The following SIN3A variants were observed in gnomAD, a reference collection of about 807,000 sequenced individuals.
SIN3A encodes SIN3 transcription regulator family member A.
A neutral mutation model predicts 146.1 loss-of-function variants in SIN3A; 14 were observed. The ratio of observed to expected loss-of-function variants is 0.10; its 90% CI spans 0.06 to 0.15. The LOEUF (loss-of-function observed/expected upper bound fraction) is 0.15, where lower values mean the gene tolerates loss of function less well. Ranked by LOEUF, SIN3A falls within the 10% of genes least tolerant of loss-of-function variation. The probability of loss-of-function intolerance (pLI) is 1.00; values close to 1 mark genes in which losing one functional copy is unlikely to be tolerated. For missense variants in SIN3A, 1,028 were observed against 1,576.0 expected, an observed-to-expected ratio of 0.65 and a Z score of 5.89; for synonymous variants, 572 against 572.0, an observed-to-expected ratio of 1.00 and a Z score of 0.00.
At chr15:75,421,464 T>A (rs1375649779) in intron 3 of SIN3A, 1 of 152,224 alleles carries the variant, frequency 6.6e-6, no homozygotes, top group Non-Finnish European at 1.5e-5. Context: ...CTAAATCACA[T>A]AGCTTTGCTG....
chr15:75,426,015 A>G (rs1467554857), intron 2 of SIN3A, among the ~76,000 whole-genome samples: 1 of 152,234 alleles, frequency 6.6e-6, no homozygotes, highest in African/African-American at 2.4e-5. Flanking sequence ...TGTACCTCAA[A>G]GATGGGCTAG....
At chr15:75,383,165 G>T (rs1462604479) in intron 17 of SIN3A, among the ~76,000 whole-genome samples, 2 of 151,596 alleles carry the variant, frequency 1.3e-5, no homozygotes, top group African/African-American at 4.9e-5. Flanking sequence ...CCAGCTACTA[G>T]GGTGGCTGAC....
chr15:75,427,806 C>T (rs2073950998), intron 2 of SIN3A, among the ~76,000 whole-genome samples: 1 of 151,628 alleles, frequency 6.6e-6, no homozygotes, highest in South Asian at 2.1e-4. Context: ...CCCATCTCTA[C>T]TAAAAACACA....
chr15:75,380,836 A>C, intron 18 of SIN3A, 113 bp from the exon 19 acceptor site: 1 of 721,660 alleles, frequency 1.4e-6, no homozygotes, highest in Non-Finnish European at 2.4e-6. Context: ...ATAAATTTCA[A>C]GATCAAAAAA....
chr15:75,378,954 GC>G (rs1460908117), intron 19 of SIN3A, among the ~76,000 whole-genome samples: 1 of 151,622 alleles, frequency 6.6e-6, no homozygotes, highest in African/African-American at 2.4e-5. Flanking sequence ...AGGCTGGAGT[GC>G]CGTGGTGCGA....
rs552002108 is a variant in SIN3A at position 75,432,079 on chromosome 15, TTAGC to T, written c.-33-1675_-33-1672del. ...CTGAGGACAAATAATTTAAAATGTC[TTAGC>T]TAGTTATGCTTTCCTATGTTTTTCT... On this transcript the variant is annotated intron_variant, in intron 1 of 20. Coordinates refer to ENST00000394947, the MANE Select transcript of SIN3A (RefSeq NM_001145358.2). Among the ~76,000 whole-genome samples the T allele has an allele frequency of 3.3e-5, 5 of 152,364 alleles. No homozygotes were observed. The South Asian group carries it at 1.0e-3, about 32-fold the overall frequency.
intron 1 of SIN3A, among the ~76,000 whole-genome samples, chr15:75,448,935 C>T (rs139218044): frequency 8.3e-4 from 127 of 152,292 alleles, no homozygotes; most frequent in African/African-American, 2.9e-3. Flanking sequence ...TTACGAAGTG[C>T]CAATCTTTCT....
At chr15:75,438,630 A>G (rs746357779) in intron 1 of SIN3A, among the ~76,000 whole-genome samples, 1 of 152,042 alleles carries the variant, frequency 6.6e-6, no homozygotes, top group Non-Finnish European at 1.5e-5. Flanking sequence ...TTGAGGCTAC[A>G]GTGAGCTGTG....
At chr15:75,389,906 T>A in intron 15 of SIN3A, 85 bp from the exon 16 acceptor site, 1 of 1,329,802 alleles carries the variant, frequency 7.5e-7, no homozygotes, top group South Asian at 1.3e-5. Context: ...ACAGCTGGCC[T>A]AAATGGCATT....
chr15:75,419,857 A>G (rs895478490), intron 3 of SIN3A: 2 of 152,044 alleles, frequency 1.3e-5, no homozygotes, highest in Non-Finnish European at 2.9e-5. Context: ...AAAGTTATAG[A>G]ATAATCCTAT....
chr15:75,429,938 T>G (rs2073986996), intron 2 of SIN3A: 1 of 363,946 alleles, frequency 2.7e-6, no homozygotes, highest in Non-Finnish European at 4.9e-6. Flanking sequence ...ATACAAAGTT[T>G]AGATCAGTGG....
At position 75,409,808 on chromosome 15, in the gene SIN3A, A is replaced by G. The variant is rs759277864; in HGVS notation, c.1317+28T>C. On this transcript the variant is annotated intron_variant, in intron 8 of 20. Coordinates refer to ENST00000394947, the MANE Select transcript of SIN3A (RefSeq NM_001145358.2). Reference sequence around the variant, plus strand: ...TCCATTAGAAATACTTGTGAGTGTCAAAATGAGCAGCTGCTGCCCATTCTC... The same window carrying G: ...TCCATTAGAAATACTTGTGAGTGTCGAAATGAGCAGCTGCTGCCCATTCTC... 6.8e-6 allele frequency: 11 copies of G among 1,607,564 alleles called. No homozygotes were observed. The South Asian group carries it at 1.2e-4, about 18-fold the overall frequency.
At chr15:75,391,943 G>A (rs1207562789) in intron 15 of SIN3A, among the ~76,000 whole-genome samples, 1 of 152,190 alleles carries the variant, frequency 6.6e-6, no homozygotes, top group East Asian at 1.9e-4. Context: ...GAAACAGATG[G>A]CAGTAACCCA....
At chr15:75,385,694 C>T (rs1022751697) in intron 16 of SIN3A, among the ~76,000 whole-genome samples, 14 of 152,100 alleles carry the variant, frequency 9.2e-5, no homozygotes, top group African/African-American at 2.9e-4. Context: ...TTTAGGAAGA[C>T]ACATTCTTTT....
chr15:75,442,147 A>C (rs947704958), intron 1 of SIN3A, among the ~76,000 whole-genome samples: 2 of 149,118 alleles, frequency 1.3e-5, no homozygotes, highest in South Asian at 2.1e-4. Context: ...AAAAAAAAAA[A>C]AAAAAACTGA....
At chr15:75,422,405 A>G (rs993863504) in intron 3 of SIN3A, 11 of 606,198 alleles carry the variant, frequency 1.8e-5, no homozygotes, top group Non-Finnish European at 2.6e-5. Context: ...CACAATCCTG[A>G]TAACATTTGA....
intron 1 of SIN3A, among the ~76,000 whole-genome samples, chr15:75,449,671 G>A (rs1457014742): frequency 6.6e-6 from 1 of 152,190 alleles, no homozygotes; most frequent in African/African-American, 2.4e-5. Context: ...GTACTATGTA[G>A]AGTATAAATA....
At chr15:75,385,337 A>G (rs2073057893) in intron 16 of SIN3A, among the ~76,000 whole-genome samples, 1 of 152,234 alleles carries the variant, frequency 6.6e-6, no homozygotes. Flanking sequence ...TCCTAGCCCA[A>G]TACTTTTCCA....
At position 75,409,855 on chromosome 15, in the gene SIN3A, C is replaced by T. The variant is rs750993322; in HGVS notation, c.1298G>A (p.Gly433Glu). Reference protein sequence around the residue: ...NGCQIRRHPTGTTPPVKKKPK... With the variant: ...NGCQIRRHPTETTPPVKKKPK... ...TCTCACCTTAACTGGAGGGGTGGTT[C>T]CTGTAGGATGTCTGCGGATCTGGCA... Residue 433 changes from glycine to glutamate, a missense_variant, in exon 8 of 21, where the codon GGA becomes GAA. Coordinates refer to ENST00000394947, the MANE Select transcript of SIN3A (RefSeq NM_001145358.2). The T allele has an allele frequency of 6.2e-7, 1 of 1,612,700 alleles. No individual in the cohort carries two copies. Among genetic ancestry groups the T allele is most frequent in the Admixed American group, 1.7e-5 (1 of 59,986 alleles).
Sources: gnomAD v4.1 joint callset for allele counts (sites outside exome capture counted in the v4.1 genomes callset) on GRCh38, gnomAD v4.1.1 for gene constraint, MANE v1.5 for transcripts, NCBI Gene and HGNC (gene_info 2026-07-23, HGNC 2026-07-21) for gene names.